Variants in PDE1A observed in about 807,000 individuals in gnomAD.
PDE1A encodes dual specificity calcium/calmodulin-dependent 3',5'-cyclic nucleotide phosphodiesterase 1A.
Under a neutral mutation model 61.7 loss-of-function variants are expected in PDE1A, and 35 were observed. The observed-to-expected ratio is 0.57, with a 90% CI of 0.43 to 0.75. PDE1A has a LOEUF of 0.75. Ranked by LOEUF, PDE1A falls within the 30% of genes least tolerant of loss-of-function variation. The pLI is 0.00. For missense variants in PDE1A, 597 were observed against 630.6 expected (o/e 0.95, Z 0.57); for synonymous variants, 232 against 213.2 (o/e 1.09, Z -0.77).
the PDE1A span, among the ~76,000 whole-genome samples, chr2:182,697,015 A>C: frequency 2.0e-5 from 3 of 152,180 alleles, no homozygotes; most frequent in Admixed American, 6.5e-5. Flanking sequence ...TCACTATATC[A>C]ATTCTAAATG....
chr2:182,690,803 C>CT, the PDE1A span, among the ~76,000 whole-genome samples: 1 of 152,220 alleles, frequency 6.6e-6, no homozygotes, highest in African/African-American at 2.4e-5. Flanking sequence ...CCCAAAATCT[C>CT]TTTAAGCTGA....
the PDE1A span, among the ~76,000 whole-genome samples, chr2:182,610,680 TAAA>T: frequency 6.6e-6 from 1 of 151,906 alleles, no homozygotes; most frequent in Non-Finnish European, 1.5e-5. Flanking sequence ...AAAAAGAGAA[TAAA>T]AAGTATGTCA....
chr2:182,375,201 A>T (rs1459848069), intron 1 of PDE1A, among the ~76,000 whole-genome samples: 1 of 152,120 alleles, frequency 6.6e-6, no homozygotes, highest in Non-Finnish European at 1.5e-5. Context: ...TTCAAAACCA[A>T]TCATGCCTTC....
At chr2:182,386,659 A>G (rs985849082) in intron 1 of PDE1A, among the ~76,000 whole-genome samples, 3 of 143,694 alleles carry the variant, frequency 2.1e-5, no homozygotes, top group Admixed American at 6.8e-5. Context: ...CAGCCGCCCC[A>G]TCTGAGAAGT....
chr2:182,263,839 G>A (rs1312634018), intron 2 of PDE1A, among the ~76,000 whole-genome samples: 1 of 152,118 alleles, frequency 6.6e-6, no homozygotes, highest in Non-Finnish European at 1.5e-5. Flanking sequence ...ACACATTTGG[G>A]ATGCCCCTTA....
chr2:182,188,446 T>C (rs74795773), intron 11 of PDE1A, among the ~76,000 whole-genome samples: 2,235 of 152,354 alleles, frequency 0.015, 30 homozygotes, highest in South Asian at 0.057. Context: ...AATAATGGAC[T>C]GGACTTGAAG....
At chr2:182,658,036 C>A in the PDE1A span, among the ~76,000 whole-genome samples, 1 of 87,986 alleles carries the variant, frequency 1.1e-5, no homozygotes, top group Non-Finnish European at 2.0e-5. Flanking sequence ...AGCACATAAA[C>A]AGCTTCTCAG....
chr2:182,322,372 T>C (rs1052784449), intron 1 of PDE1A, among the ~76,000 whole-genome samples: 7 of 152,128 alleles, frequency 4.6e-5, no homozygotes, highest in South Asian at 2.1e-4. Context: ...TGGGAGGTAA[T>C]TGAATCATGG....
chr2:182,237,283 A>T (rs1410345544), intron 3 of PDE1A, among the ~76,000 whole-genome samples: 1 of 152,182 alleles, frequency 6.6e-6, no homozygotes, highest in African/African-American at 2.4e-5. Flanking sequence ...ACCTGAGATC[A>T]GGAGTTCGAG....
chr2:182,685,469 T>C, the PDE1A span, among the ~76,000 whole-genome samples: 1 of 152,220 alleles, frequency 6.6e-6, no homozygotes, highest in East Asian at 1.9e-4. Context: ...TTTGGAGTCA[T>C]ACAAACTTGG....
chr2:182,454,405 T>C (rs1279436873), intron 2 of PDE1A, among the ~76,000 whole-genome samples: 2 of 152,068 alleles, frequency 1.3e-5, no homozygotes, highest in African/African-American at 2.4e-5. Context: ...CTTCACAGAA[T>C]TGGAAAAAAC....
At chr2:182,335,419 T>G (rs1369437491) in intron 1 of PDE1A, among the ~76,000 whole-genome samples, 1 of 151,942 alleles carries the variant, frequency 6.6e-6, no homozygotes, top group African/African-American at 2.4e-5. Context: ...CAAAACAGAT[T>G]TATAGACCAA....
At chr2:182,401,675 G>T (rs999193332) in intron 1 of PDE1A, among the ~76,000 whole-genome samples, 1 of 152,172 alleles carries the variant, frequency 6.6e-6, no homozygotes, top group Non-Finnish European at 1.5e-5. Context: ...GTTCTGGCCA[G>T]GGCAATCAGG....
At chr2:182,707,954 G>C in the PDE1A span, among the ~76,000 whole-genome samples, 1 of 152,146 alleles carries the variant, frequency 6.6e-6, no homozygotes, top group Non-Finnish European at 1.5e-5. Context: ...GCACTGTAGA[G>C]TGACTATAGT....
the PDE1A span, among the ~76,000 whole-genome samples, chr2:182,572,809 C>A: frequency 2.1e-5 from 3 of 143,382 alleles, no homozygotes; most frequent in African/African-American, 8.0e-5. Flanking sequence ...GCGGAGCTTG[C>A]AGTGAGCCAA....
upstream of PDE1A, among the ~76,000 whole-genome samples, chr2:182,429,731 C>T (rs757455411): frequency 2.0e-5 from 3 of 152,110 alleles, no homozygotes; most frequent in Non-Finnish European, 4.4e-5. Flanking sequence ...CTAAGAGTGT[C>T]ATGGTATTTT....
chr2:182,634,732 A>G, the PDE1A span, among the ~76,000 whole-genome samples: 1 of 152,192 alleles, frequency 6.6e-6, no homozygotes, highest in African/African-American at 2.4e-5. Context: ...ATAAAGGTCT[A>G]CAAGAGGACT....
intron 2 of PDE1A, among the ~76,000 whole-genome samples, chr2:182,489,099 GA>G (rs1688212712): frequency 1.3e-5 from 2 of 152,146 alleles, no homozygotes; most frequent in Non-Finnish European, 2.9e-5. Flanking sequence ...GAGCTTTTCT[GA>G]GAGACGACAT....
chr2:182,348,782 T>C (rs1698679828), intron 1 of PDE1A, among the ~76,000 whole-genome samples: 1 of 151,624 alleles, frequency 6.6e-6, no homozygotes, highest in Non-Finnish European at 1.5e-5. Flanking sequence ...TTTGGGCTAC[T>C]AGATGTCTGA....
Sources: gnomAD v4.1 joint callset for allele counts (sites outside exome capture counted in the v4.1 genomes callset) on GRCh38, gnomAD v4.1.1 for gene constraint, MANE v1.5 for transcripts, NCBI Gene and HGNC (gene_info 2026-07-23, HGNC 2026-07-21) for gene names.